DPYSL4: variants seen among roughly 807,000 people sequenced by gnomAD.
The protein encoded by DPYSL4 is dihydropyrimidinase like 4, also known as dihydropyrimidinase-related protein 4.
In DPYSL4, 43 loss-of-function variants were observed where a neutral mutation model predicts 63.4. The ratio of observed to expected loss-of-function variants is 0.68; its 90% CI spans 0.53 to 0.88. The LOEUF (loss-of-function observed/expected upper bound fraction) is 0.88, where lower values mean the gene tolerates loss of function less well. Among genes scored for constraint, DPYSL4 ranks in the 40% least tolerant of loss-of-function variants. The probability of loss-of-function intolerance (pLI) is 0.00; values close to 1 mark genes in which losing one functional copy is unlikely to be tolerated. For missense variants in DPYSL4, 733 were observed against 819.5 expected (o/e 0.89, Z 1.29); for synonymous variants, 353 against 331.7 (o/e 1.06, Z -0.70).
Position 132,197,087 on chromosome 10 carries a change from G to A in DPYSL4, c.607G>A (p.Asp203Asn), listed in dbSNP as rs775889476. 2 of 1,528,010 alleles carry A rather than the reference G, an allele frequency of 1.3e-6. No homozygotes were observed. Among genetic ancestry groups the A allele is most frequent in the Admixed American group, 2.0e-5 (1 of 49,910 alleles). The allele number at this position is 1,528,010 out of a possible 1,614,324, so 94.7% of individuals were successfully genotyped here. The change falls in exon 6 of 14, where the codon GAC (aspartate) becomes AAC (asparagine). Residue 203 changes from aspartate to asparagine, a missense_variant. Coordinates refer to ENST00000338492, the MANE Select transcript of DPYSL4 (RefSeq NM_006426.3). ...ALAQVHAENGDIVEEEQKRLL... is the reference protein window; with the variant it reads ...ALAQVHAENGNIVEEEQKRLL... ...GGCCCAGGTGCACGCTGAGAACGGG[G>A]ACATCGTGGAGGAGGTGCCGTGGGG... is the stretch of plus-strand genomic sequence containing the variant.
chr10:132,200,055 C>T (rs1328614935), intron 8 of DPYSL4, among the ~76,000 whole-genome samples: 1 of 152,186 alleles, frequency 6.6e-6, no homozygotes, highest in East Asian at 1.9e-4. Flanking sequence ...TCGCAGCCCA[C>T]AGGCACGCCC....
Position 132,192,733 on chromosome 10 carries a change from T to G in DPYSL4, c.204T>G (p.Gly68=). The G allele has an allele frequency of 5.6e-6, 9 of 1,613,436 alleles. No homozygotes were observed. The highest frequency in any genetic ancestry group is 7.6e-6 in the Non-Finnish European group (9 of 1,179,964). The change falls in exon 3 of 14, where the codon GGT becomes GGG. Residue 68 remains glycine (G), a synonymous_variant. Transcript: ENST00000338492. ...IDAHGLMVLP[G]GVDVHTRLQM... ...CCCACGGCCTGATGGTCCTTCCTGG[T>G]GGCGTTGACGTCCACACAAGGCTGC...
At chr10:132,204,758 A>T in intron 13 of DPYSL4, 81 bp from the exon 14 acceptor site, 1 of 1,274,556 alleles carries the variant, frequency 7.8e-7, no homozygotes, top group Non-Finnish European at 1.1e-6. Flanking sequence ...TGACGCAGCC[A>T]CTGACTCTGC....
intron 1 of DPYSL4, among the ~76,000 whole-genome samples, chr10:132,188,774 G>C (rs1272351030): frequency 1.3e-5 from 2 of 152,234 alleles, no homozygotes; most frequent in Non-Finnish European, 2.9e-5. Context: ...CTTCATCTGT[G>C]GATGCTGCAG....
Position 132,187,072 on chromosome 10 carries a change from C to T in DPYSL4, c.9C>T (p.Phe3=). 2 of 1,400,232 alleles carry T rather than the reference C, an allele frequency of 1.4e-6. No homozygotes were observed. Among genetic ancestry groups the T allele is most frequent in the Non-Finnish European group, 1.9e-6 (2 of 1,058,642 alleles). The allele number at this position is 1,400,232 out of a possible 1,614,324, so 86.7% of individuals were successfully genotyped here. A position where few individuals can be genotyped will look rare whatever the true frequency, so the allele number is the denominator to read the frequency against. The part of the protein sequence containing the change: MS[F]QGKKSIPRIT... ...AGACCCCCAGGAGCAGGATGTCCTTCCAGGGCAAGAAAAGCATCCCCCGGA... is the reference window on the plus strand; with the variant it reads ...AGACCCCCAGGAGCAGGATGTCCTTTCAGGGCAAGAAAAGCATCCCCCGGA... Residue 3 remains phenylalanine, a synonymous_variant, in exon 1 of 14, where the codon TTC becomes TTT. Coordinates refer to ENST00000338492, the MANE Select transcript of DPYSL4 (RefSeq NM_006426.3).
Position 132,198,314 on chromosome 10 carries a change from C to T in DPYSL4, c.622-101C>T. 7 of 1,201,588 alleles carry T rather than the reference C, an allele frequency of 5.8e-6. No homozygotes were observed. The South Asian group carries it at 8.3e-5, about 14-fold the overall frequency. 74.4% of individuals were successfully genotyped at this position (1,201,588 alleles called of 1,614,324 possible). On this transcript the variant is annotated intron_variant, in intron 6 of 13. Coordinates refer to ENST00000338492, the MANE Select transcript of DPYSL4 (RefSeq NM_006426.3). ...GGAAATTCTGGGAGGCCTGGGGGTCCAGGACCACTTGGGGAATGGGGCCTC... is the reference window on the plus strand; with the variant it reads ...GGAAATTCTGGGAGGCCTGGGGGTCTAGGACCACTTGGGGAATGGGGCCTC...
At chr10:132,192,947 C>T (rs562391591) in intron 3 of DPYSL4, 105 bp downstream of exon 3, 1 of 1,167,640 alleles carries the variant, frequency 8.6e-7, no homozygotes, top group East Asian at 2.6e-5. Flanking sequence ...AGGTGCCTTT[C>T]TCAGCTGTCT....
chr10:132,190,010 A>C (rs1227810126), intron 1 of DPYSL4, among the ~76,000 whole-genome samples: 1 of 152,106 alleles, frequency 6.6e-6, no homozygotes, highest in Non-Finnish European at 1.5e-5. Context: ...TTCCTGCCCC[A>C]AGGCCAGGCT....
chr10:132,192,416 A>T (rs912372854), intron 2 of DPYSL4: 31 of 1,159,434 alleles, frequency 2.7e-5, no homozygotes, highest in Non-Finnish European at 3.1e-5. Context: ...ACCTGAGTGG[A>T]AAACCACAGG....
In DPYSL4 at chr10:132,197,039, A is replaced by C. The variant is rs984482345; in HGVS notation, c.559A>C (p.Ile187Leu). The C allele has an allele frequency of 6.3e-7, 1 of 1,598,640 alleles. No homozygotes were observed. ...TTCCCAGATGTACGAGATCTTCAGC[A>C]TCATCCGGGACCTGGGGGCCTTGGC... ...SDSQMYEIFS[I>L]IRDLGALAQV... Residue 187 changes from isoleucine (I) to leucine (L), a missense_variant, in exon 6 of 14, where the codon ATC becomes CTC. Coordinates refer to ENST00000338492, the MANE Select transcript of DPYSL4 (RefSeq NM_006426.3).
chr10:132,202,527 A>C (rs1446124105), intron 11 of DPYSL4, 119 bp from the exon 12 acceptor site: 19 of 1,286,284 alleles, frequency 1.5e-5, no homozygotes, highest in Non-Finnish European at 2.0e-5. Context: ...CTAGGGGCTC[A>C]GTGTAGGCAC....
chr10:132,189,467 C>A (rs1157587578), intron 1 of DPYSL4, among the ~76,000 whole-genome samples: 1 of 152,256 alleles, frequency 6.6e-6, no homozygotes, highest in Non-Finnish European at 1.5e-5. Flanking sequence ...GACTGCCAAG[C>A]ACTGGAGTCA....
intron 1 of DPYSL4, among the ~76,000 whole-genome samples, chr10:132,187,849 C>T (rs2061825768): frequency 6.6e-6 from 1 of 152,190 alleles, no homozygotes; most frequent in Admixed American, 6.5e-5. Context: ...CCTCCCCGCT[C>T]GGGCGGGGGG....
At chr10:132,188,436 G>A (rs1262615346) in intron 1 of DPYSL4, among the ~76,000 whole-genome samples, 3 of 152,256 alleles carry the variant, frequency 2.0e-5, no homozygotes, top group African/African-American at 7.2e-5. Context: ...TGGGTCCCCT[G>A]GGAGGGGTGG....
chr10:132,195,270 G>GAA (rs2061927924), intron 4 of DPYSL4, among the ~76,000 whole-genome samples: 1 of 152,190 alleles, frequency 6.6e-6, no homozygotes, highest in Non-Finnish European at 1.5e-5. Context: ...TCGTTTCTTA[G>GAA]AAGAGAGGCT....
intron 8 of DPYSL4, 50 bp from the exon 9 acceptor site, chr10:132,200,297 CGGGGCCCCA>C: frequency 1.3e-6 from 2 of 1,596,634 alleles, no homozygotes. Context: ...CAGCAGTTCT[CGGGGCCCCA>C]GGGGGTGCAG....
intron 13 of DPYSL4, among the ~76,000 whole-genome samples, chr10:132,204,339 G>T (rs2062064629): frequency 6.6e-6 from 1 of 152,172 alleles, no homozygotes; most frequent in Admixed American, 6.5e-5. Flanking sequence ...TGTGTCCCGG[G>T]GCCTGGAGGG....
At chr10:132,200,129 G>A (rs149935006) in intron 8 of DPYSL4, among the ~76,000 whole-genome samples, 1,715 of 152,280 alleles carry the variant, frequency 0.011, 40 homozygotes, top group African/African-American at 0.039. Context: ...CTTGGCGTCC[G>A]CAGGCCAGAC....
rs1209652975 is a variant in DPYSL4, at chr10:132,202,667, G to A, written c.1303G>A (p.Glu435Lys). 4 of 1,612,946 alleles carry A rather than the reference G, an allele frequency of 2.5e-6. No individual in the cohort carries two copies. The highest frequency in any genetic ancestry group is 3.3e-5 in the Admixed American group (2 of 60,014). The change falls in exon 12 of 14, where the codon GAG becomes AAG. Residue 435 changes from glutamate to lysine, a missense_variant. Transcript: ENST00000338492. ...CCAGAACGTGGAGTACAACATCTTCGAGGGAGTGGAGTGCCGGGGAGCGCC... is the reference window on the plus strand; with the variant it reads ...CCAGAACGTGGAGTACAACATCTTCAAGGGAGTGGAGTGCCGGGGAGCGCC... ...HNLNVEYNIF[E>K]GVECRGAPAV...
Sources: gnomAD v4.1 joint callset for allele counts (sites outside exome capture counted in the v4.1 genomes callset) on GRCh38, gnomAD v4.1.1 for gene constraint, MANE v1.5 for transcripts, NCBI Gene and HGNC (gene_info 2026-07-23, HGNC 2026-07-21) for gene names.